Variants in ACCSL observed in about 807,000 individuals in gnomAD.
The protein encoded by ACCSL is probable inactive 1-aminocyclopropane-1-carboxylate synthase-like protein 2.
ACCSL carries 55 observed loss-of-function variants against 61.7 expected under a neutral mutation model. The observed-to-expected ratio is 0.89, with a 90% CI of 0.72 to 1.12. The LOEUF is 1.12. Ranked by LOEUF, ACCSL falls within the 50% of genes most tolerant of loss-of-function variation. The probability of loss-of-function intolerance (pLI) is 0.00; values close to 1 mark genes in which losing one functional copy is unlikely to be tolerated. For synonymous variants in ACCSL, 258 were observed against 264.3 expected, an observed-to-expected ratio of 0.98 and a Z score of 0.23; for missense variants, 632 against 698.0, an observed-to-expected ratio of 0.91 and a Z score of 1.07.
At chr11:43,968,182 A>T in the ACCSL span, among the ~76,000 whole-genome samples, 1 of 152,184 alleles carries the variant, frequency 6.6e-6, no homozygotes, top group South Asian at 2.1e-4. Context: ...ACAAAGAATT[A>T]TCTAGCCCCA....
chr11:44,050,692 A>G, intron 3 of ACCSL, 70 bp downstream of exon 3: 1 of 1,480,086 alleles, frequency 6.8e-7, no homozygotes, highest in Non-Finnish European at 9.3e-7. Flanking sequence ...GGAGGATTCA[A>G]GGCACCAAAT....
At chr11:43,951,102 C>A in the ACCSL span, among the ~76,000 whole-genome samples, 1 of 152,190 alleles carries the variant, frequency 6.6e-6, no homozygotes, top group Non-Finnish European at 1.5e-5. Flanking sequence ...AAGCCCATAG[C>A]ACTAAGAAGT....
At chr11:43,961,665 A>T in the ACCSL span, among the ~76,000 whole-genome samples, 3 of 151,930 alleles carry the variant, frequency 2.0e-5, no homozygotes, top group African/African-American at 7.3e-5. Flanking sequence ...CCACATGAGA[A>T]AGAAGGAAAC....
At chr11:44,043,295 C>T (rs565884313), upstream of ACCSL, among the ~76,000 whole-genome samples, 9 of 152,110 alleles carry the variant, frequency 5.9e-5, no homozygotes, top group South Asian at 6.2e-4. Flanking sequence ...GTTTCCTACA[C>T]GCCTCCCCTG....
intron 4 of ACCSL, 67 bp downstream of exon 4, chr11:44,051,471 C>T: frequency 5.0e-6 from 8 of 1,592,022 alleles, no homozygotes; most frequent in Non-Finnish European, 6.9e-6. Context: ...ATGCTCTGCC[C>T]TTTCTAGGGG....
chr11:44,011,769 G>A, the ACCSL span, among the ~76,000 whole-genome samples: 1 of 152,100 alleles, frequency 6.6e-6, no homozygotes, highest in African/African-American at 2.4e-5. Flanking sequence ...ATAAACCCTG[G>A]GTGTGTGTTT....
the ACCSL span, among the ~76,000 whole-genome samples, chr11:44,035,012 T>G: frequency 6.6e-6 from 1 of 152,172 alleles, no homozygotes; most frequent in Non-Finnish European, 1.5e-5. Flanking sequence ...AAATACACTC[T>G]CTTATCCCAG....
the ACCSL span, chr11:43,943,755 G>C: frequency 4.6e-6 from 6 of 1,304,372 alleles, no homozygotes; most frequent in South Asian, 1.2e-5. This position sits in a 1 kb window ranked among gnomAD's most constrained non-coding sequence, Gnocchi z 4.8. Context: ...CTGCTACTGC[G>C]TCTGGAGGAT....
At chr11:43,941,137 G>C in the ACCSL span, among the ~76,000 whole-genome samples, 3 of 152,204 alleles carry the variant, frequency 2.0e-5, no homozygotes, top group African/African-American at 7.2e-5. Flanking sequence ...CACTTAGCAT[G>C]TTATTATTGC....
At chr11:44,003,642 CAAA>C in the ACCSL span, among the ~76,000 whole-genome samples, 2 of 141,368 alleles carry the variant, frequency 1.4e-5, no homozygotes, top group South Asian at 4.7e-4. Context: ...GACTTTGTCT[CAAA>C]AAAAAAAAAA....
the ACCSL span, chr11:43,942,655 C>A: frequency 4.1e-6 from 1 of 246,634 alleles, no homozygotes. Flanking sequence ...ACAGCAGCGG[C>A]GGCGAGCGCC....
At chr11:43,989,393 G>A in the ACCSL span, among the ~76,000 whole-genome samples, 1 of 152,232 alleles carries the variant, frequency 6.6e-6, no homozygotes, top group African/African-American at 2.4e-5. Flanking sequence ...TTCCTGCCTA[G>A]GCTTGGCCAG....
At chr11:43,958,000 C>A in the ACCSL span, among the ~76,000 whole-genome samples, 1 of 152,226 alleles carries the variant, frequency 6.6e-6, no homozygotes, top group Non-Finnish European at 1.5e-5. Flanking sequence ...CATCTTGCTT[C>A]TAACCTCTGA....
the ACCSL span, among the ~76,000 whole-genome samples, chr11:43,967,685 A>T: frequency 1.3e-5 from 2 of 152,114 alleles, no homozygotes; most frequent in East Asian, 1.9e-4. Context: ...TCTGTCTACC[A>T]GGTTTTACTG....
At chr11:43,971,797 C>T in the ACCSL span, among the ~76,000 whole-genome samples, 1 of 152,130 alleles carries the variant, frequency 6.6e-6, no homozygotes. Context: ...TGAGGCCCTT[C>T]CAACTCCTGT....
the ACCSL span, chr11:43,946,973 G>C: frequency 6.6e-6 from 1 of 152,330 alleles, no homozygotes; most frequent in Non-Finnish European, 1.5e-5. Context: ...TAGGGAGCTT[G>C]TGTTAGTCCG....
the ACCSL span, among the ~76,000 whole-genome samples, chr11:44,022,437 G>A: frequency 6.6e-6 from 1 of 152,104 alleles, no homozygotes; most frequent in South Asian, 2.1e-4. Flanking sequence ...GTATATAGCA[G>A]TGCTACCGAT....
At chr11:44,030,520 G>A in the ACCSL span, among the ~76,000 whole-genome samples, 15 of 151,772 alleles carry the variant, frequency 9.9e-5, no homozygotes, top group East Asian at 2.0e-4. Context: ...ACAGGACTGC[G>A]TCCCTGTGGA....
At chr11:43,925,427 A>G in the ACCSL span, 1 of 456,164 alleles carries the variant, frequency 2.2e-6, no homozygotes, top group Non-Finnish European at 4.4e-6. Flanking sequence ...ACGCTGCACC[A>G]GCCAGGTGGC....
Sources: allele counts gnomAD v4.1 joint callset (sites outside exome capture counted in the v4.1 genomes callset), GRCh38; gene constraint gnomAD v4.1.1; non-coding constraint Gnocchi (gnomAD v3.1); transcripts MANE v1.5; gene names NCBI Gene and HGNC (gene_info 2026-07-23, HGNC 2026-07-21).